VLDLR: variants seen among roughly 807,000 people sequenced by gnomAD.
VLDLR encodes the protein very low-density lipoprotein receptor.
VLDLR carries 81 observed loss-of-function variants against 112.7 expected under a neutral mutation model. That is an observed-to-expected ratio of 0.72 (90% CI 0.60 to 0.86). The LOEUF is 0.86. VLDLR is among the 40% of genes least tolerant of loss of function. The pLI, the probability that VLDLR is intolerant of heterozygous loss-of-function variation, is 0.00. For synonymous variants in VLDLR, 436 were observed against 384.8 expected (o/e 1.13, Z -1.56); for missense variants, 1,237 against 1,099.4 (o/e 1.13, Z -1.77).
At chr9:2,630,460 C>A (rs1049940395) in intron 1 of VLDLR, among the ~76,000 whole-genome samples, 6 of 152,044 alleles carry the variant, frequency 3.9e-5, no homozygotes, top group African/African-American at 9.7e-5. Context: ...CCCTGGTGGC[C>A]CCAGCAGTGT....
chr9:2,647,734 A>T, intron 12 of VLDLR, 142 bp downstream of exon 12: 1 of 782,558 alleles, frequency 1.3e-6, no homozygotes, highest in South Asian at 1.4e-5. Context: ...GGAGTAACTG[A>T]ACAACACAAG....
At chr9:2,634,028 C>A (rs1258457548) in intron 1 of VLDLR, among the ~76,000 whole-genome samples, 1 of 152,138 alleles carries the variant, frequency 6.6e-6, no homozygotes, top group East Asian at 1.9e-4. Context: ...AGGTAGGAAA[C>A]CATTCTGCTT....
intron 14 of VLDLR, among the ~76,000 whole-genome samples, chr9:2,649,799 T>C (rs1367200395): frequency 1.3e-5 from 2 of 152,216 alleles, no homozygotes; most frequent in African/African-American, 4.8e-5. Context: ...TACTAGGACT[T>C]CATTATATGA....
At chr9:2,649,114 A>C (rs1361178746) in intron 14 of VLDLR, among the ~76,000 whole-genome samples, 1 of 152,172 alleles carries the variant, frequency 6.6e-6, no homozygotes, top group East Asian at 1.9e-4. Flanking sequence ...TAGCCTCCAA[A>C]GTAGCTTTTG....
At chr9:2,629,429 C>G (rs1433321371) in intron 1 of VLDLR, among the ~76,000 whole-genome samples, 1 of 152,212 alleles carries the variant, frequency 6.6e-6, no homozygotes, top group Non-Finnish European at 1.5e-5. Flanking sequence ...TAAGTTGATG[C>G]TTAGTAACAC....
Position 2,651,435 on chromosome 9 carries a change from TAC to T in VLDLR, c.2274_2275del (p.Tyr758Ter). On this transcript the variant is annotated frameshift_variant, in exon 16 of 19. Transcript: ENST00000382100. LOFTEE classifies it high-confidence loss of function. Reference protein sequence around the residue: ...DCQSTATTVTYSETKDTNTTE... With the variant: ...DCQSTATTVTXSETKDTNTTE... Reference sequence around the variant, plus strand: ...TTCAGGTACTGCAACTACTGTGACTTACAGTGAGACAAAAGATACGAACACAA... The same window carrying T: ...TTCAGGTACTGCAACTACTGTGACTTAGTGAGACAAAAGATACGAACACAA... The T allele has an allele frequency of 6.2e-7, 1 of 1,614,020 alleles. No individual in the cohort carries two copies. The highest frequency in any genetic ancestry group is 1.1e-5 in the South Asian group (1 of 91,064).
At chr9:2,626,940 A>T (rs1460305893) in intron 1 of VLDLR, among the ~76,000 whole-genome samples, 1 of 152,218 alleles carries the variant, frequency 6.6e-6, no homozygotes, top group African/African-American at 2.4e-5. Context: ...ACTGATCTGT[A>T]TGTTCACTAA....
In VLDLR at chr9:2,650,392, C is replaced by T; in HGVS notation, c.2127C>T (p.Asp709=). Residue 709 remains aspartate, a synonymous_variant, in exon 15 of 19, where the codon GAC becomes GAT. Transcript: ENST00000382100. ...TAGGTAAAAATTGGTGTGAAGAAGACATGGAGAATGGAGGATGTGAATACC... is the reference window on the plus strand; with the variant it reads ...TAGGTAAAAATTGGTGTGAAGAAGATATGGAGAATGGAGGATGTGAATACC... ...QPSGKNWCEE[D]MENGGCEYLC... 6.2e-7 allele frequency: 1 copy of T among 1,613,986 alleles called. No homozygotes were observed. Among genetic ancestry groups the T allele is most frequent in the Non-Finnish European group, 8.5e-7 (1 of 1,179,990 alleles).
chr9:2,654,355 A>T lies in VLDLR; in HGVS notation c.*487A>T, dbSNP rs1818503807. On this transcript the variant is annotated 3_prime_UTR_variant, in exon 19 of 19. Coordinates refer to ENST00000382100, the MANE Select transcript of VLDLR (RefSeq NM_003383.5). ...GTTACTAAGATGAAATTGCCAAAAA[A>T]ATTTATAAACTAATTTTGTACGTAT... 6.2e-6 allele frequency: 1 copy of T among 161,392 alleles called. No individual in the cohort carries two copies. The highest frequency in any genetic ancestry group is 1.7e-4 in the South Asian group (1 of 5,830). 10.0% of individuals were successfully genotyped at this position (161,392 alleles called of 1,614,324 possible).
intron 1 of VLDLR, among the ~76,000 whole-genome samples, chr9:2,628,351 G>A (rs1031484224): frequency 1.3e-5 from 2 of 152,160 alleles, no homozygotes; most frequent in African/African-American, 2.4e-5. Flanking sequence ...GGGTGGACAA[G>A]GGCAACATGA....
At chr9:2,639,576 A>G (rs1319219990) in intron 2 of VLDLR, among the ~76,000 whole-genome samples, 1 of 152,248 alleles carries the variant, frequency 6.6e-6, no homozygotes, top group Non-Finnish European at 1.5e-5. Flanking sequence ...ATTATAAAAC[A>G]GGCAGGAAGT....
At chr9:2,623,305 T>G (rs376057520) in intron 1 of VLDLR, among the ~76,000 whole-genome samples, 36 of 152,318 alleles carry the variant, frequency 2.4e-4, no homozygotes, top group African/African-American at 7.9e-4. Flanking sequence ...CAGGAAGCCT[T>G]TCTGAGAGGA....
At chr9:2,653,025 G>C (rs1027773972) in intron 18 of VLDLR, 76 bp downstream of exon 18, 34 of 1,585,844 alleles carry the variant, frequency 2.1e-5, no homozygotes, top group African/African-American at 5.4e-5. Flanking sequence ...GTGAGAGAGA[G>C]AGAGCCATTA....
intron 2 of VLDLR, among the ~76,000 whole-genome samples, chr9:2,635,824 A>C (rs1817579315): frequency 6.6e-6 from 1 of 152,204 alleles, no homozygotes; most frequent in African/African-American, 2.4e-5. Flanking sequence ...GTGGAATAGG[A>C]ATCTGGGAGA....
rs1249072181 is a variant in VLDLR at position 2,642,825 on chromosome 9, ACTCAAT to A, written c.449-331_449-326del. On this transcript the variant is annotated intron_variant, in intron 4 of 18. Transcript: ENST00000382100. ...CAAGCAGTATGTTGATTCAAGGACA[ACTCAAT>A]CTCTGCCTTCCAAATTGAAATCCCT... Among the ~76,000 whole-genome samples, 3 of 152,242 alleles carry A rather than the reference ACTCAAT, an allele frequency of 2.0e-5. No individual in the cohort carries two copies. The East Asian group carries it at 5.8e-4, about 29-fold the overall frequency.
intron 3 of VLDLR, among the ~76,000 whole-genome samples, chr9:2,640,428 G>C (rs1008407239): frequency 6.6e-6 from 1 of 152,110 alleles, no homozygotes; most frequent in Non-Finnish European, 1.5e-5. Context: ...CTAGTAATTG[G>C]GTGATATAGT....
intron 1 of VLDLR, among the ~76,000 whole-genome samples, chr9:2,629,857 C>T (rs1405355822): frequency 6.6e-6 from 1 of 152,182 alleles, no homozygotes; most frequent in Non-Finnish European, 1.5e-5. Flanking sequence ...AGTGCAATGG[C>T]ACTATCTCGG....
chr9:2,644,325 A>AT (rs374242751), intron 7 of VLDLR, among the ~76,000 whole-genome samples: 29,754 of 122,822 alleles, frequency 0.24, 4,073 homozygotes, highest in East Asian at 0.53. Flanking sequence ...CGCCCGGCTA[A>AT]TTTTTTTTTT....
At chr9:2,652,628 C>G in intron 17 of VLDLR, 152 bp from the exon 18 acceptor site, 1 of 1,039,352 alleles carries the variant, frequency 9.6e-7, no homozygotes, top group Non-Finnish European at 1.4e-6. Flanking sequence ...AAGCTCCTGG[C>G]CCATGTGTAT....
Sources: allele counts gnomAD v4.1 joint callset (sites outside exome capture counted in the v4.1 genomes callset), GRCh38; gene constraint gnomAD v4.1.1; transcripts MANE v1.5; gene names NCBI Gene and HGNC (gene_info 2026-07-23, HGNC 2026-07-21).